FANCA: variants seen among roughly 807,000 people sequenced by gnomAD.
The protein encoded by FANCA is Fanconi anemia group A protein.
In FANCA, 236 loss-of-function variants were observed where a neutral mutation model predicts 194.3. The ratio of observed to expected loss-of-function variants is 1.21; its 90% CI spans 1.09 to 1.35. The LOEUF (loss-of-function observed/expected upper bound fraction) is 1.35. Among genes scored for constraint, FANCA ranks in the 40% most tolerant of loss-of-function variants. The probability of loss-of-function intolerance (pLI) is 0.00; values close to 1 mark genes in which losing one functional copy is unlikely to be tolerated. For missense variants in FANCA, 2,628 were observed against 1,813.9 expected (o/e 1.45, Z -8.15); for synonymous variants, 1,014 against 715.8 (o/e 1.42, Z -6.65).
chr16:89,742,131 C>A (rs1165212048), intron 37 of FANCA, among the ~76,000 whole-genome samples: 1 of 152,024 alleles, frequency 6.6e-6, no homozygotes, highest in African/African-American at 2.4e-5. Flanking sequence ...TGCGCACCAC[C>A]ACACCCGACT....
At chr16:89,811,834 G>A (rs868271860) in intron 3 of FANCA, among the ~76,000 whole-genome samples, 4 of 152,140 alleles carry the variant, frequency 2.6e-5, no homozygotes, top group Non-Finnish European at 2.9e-5. Context: ...AGGTTCAAGC[G>A]ATTCTCCTGC....
At position 89,803,993 on chromosome 16, in the gene FANCA, C is replaced by A. The variant is rs557632485; in HGVS notation, c.710-652G>T. ...TTGTCTTGCCTGCCAATCTCCAATA[C>A]CAGAGGGTCTAGAGGGACCCAGAAG... On this transcript the variant is annotated intron_variant, in intron 7 of 42. Transcript: ENST00000389301. Among the ~76,000 whole-genome samples the A allele has an allele frequency of 5.3e-5, 8 of 152,122 alleles. No individual in the cohort carries two copies. The East Asian group carries it at 1.5e-3, about 29-fold the overall frequency.
At chr16:89,780,455 T>G (rs1332587292) in intron 17 of FANCA, among the ~76,000 whole-genome samples, 4 of 151,832 alleles carry the variant, frequency 2.6e-5, no homozygotes, top group Admixed American at 2.0e-4. Context: ...ACATCTCATC[T>G]CTAAAAAAAT....
intron 22 of FANCA, among the ~76,000 whole-genome samples, chr16:89,772,981 C>T (rs2039375531): frequency 6.6e-6 from 1 of 152,134 alleles, no homozygotes; most frequent in South Asian, 2.1e-4. Flanking sequence ...AGCGGGAAAA[C>T]AGGCATCCTA....
chr16:89,812,550 G>A (rs1425581101), intron 3 of FANCA, among the ~76,000 whole-genome samples: 2 of 150,342 alleles, frequency 1.3e-5, no homozygotes, highest in Admixed American at 6.7e-5. Context: ...GGAGGCTGAG[G>A]CAGGAGAATC....
intron 29 of FANCA, among the ~76,000 whole-genome samples, chr16:89,761,290 G>A: frequency 6.6e-6 from 1 of 151,890 alleles, no homozygotes; most frequent in East Asian, 1.9e-4. Context: ...ATGGTGGCGG[G>A]CGCCTGTAGT....
chr16:89,779,499 T>G (rs539953050), intron 18 of FANCA, among the ~76,000 whole-genome samples: 3 of 151,192 alleles, frequency 2.0e-5, no homozygotes, highest in East Asian at 3.9e-4. Flanking sequence ...TCCCTCCCAG[T>G]GCAAGCTCCC....
intron 5 of FANCA, among the ~76,000 whole-genome samples, chr16:89,810,158 T>TA (rs996100844): frequency 6.7e-5 from 10 of 149,466 alleles, no homozygotes; most frequent in African/African-American, 2.0e-4. Flanking sequence ...CCGTCTCTGC[T>TA]AAAAAATACA....
At chr16:89,748,157 C>T (rs1015819665) in intron 33 of FANCA, among the ~76,000 whole-genome samples, 9 of 152,244 alleles carry the variant, frequency 5.9e-5, no homozygotes, top group African/African-American at 1.9e-4. Context: ...AGTGATCCCC[C>T]ACCTTTCCAG....
intron 3 of FANCA, among the ~76,000 whole-genome samples, chr16:89,813,777 G>A (rs940655630): frequency 1.3e-5 from 2 of 148,400 alleles, no homozygotes; most frequent in South Asian, 2.1e-4. Flanking sequence ...TGTCTCCATA[G>A]GAAAGTTTTT....
chr16:89,787,976 G>A (rs544988778), intron 14 of FANCA, among the ~76,000 whole-genome samples: 2 of 151,826 alleles, frequency 1.3e-5, no homozygotes, highest in South Asian at 4.2e-4. Context: ...CGGGTTCAAG[G>A]AATTCTCCTG....
At chr16:89,773,512 G>T in intron 21 of FANCA, 128 bp from the exon 22 acceptor site, 1 of 726,088 alleles carries the variant, frequency 1.4e-6, no homozygotes, top group Non-Finnish European at 2.4e-6. Flanking sequence ...CAGACGGAGG[G>T]ACTGGGAGTC....
At chr16:89,799,304 C>T (rs531127412) in intron 9 of FANCA, 72 bp from the exon 10 acceptor site, 257 of 1,571,478 alleles carry the variant, frequency 1.6e-4, no homozygotes, top group Non-Finnish European at 2.0e-4. Flanking sequence ...AATCCCCAGG[C>T]GCTTTCAGAC....
chr16:89,795,842 G>A (rs746287696), intron 11 of FANCA, 64 bp downstream of exon 11: 33 of 1,205,498 alleles, frequency 2.7e-5, no homozygotes, highest in Non-Finnish European at 3.8e-5. Flanking sequence ...GCGTTACCAA[G>A]GCAACAAGGC....
chr16:89,739,854 G>A (rs2062082586), intron 39 of FANCA, 140 bp downstream of exon 39: 3 of 1,524,106 alleles, frequency 2.0e-6, no homozygotes, highest in South Asian at 1.3e-5. Flanking sequence ...ACAAGTTTGT[G>A]CTTAATCTGT....
At chr16:89,813,584 C>T (rs556185197) in intron 3 of FANCA, among the ~76,000 whole-genome samples, 1 of 152,198 alleles carries the variant, frequency 6.6e-6, no homozygotes, top group South Asian at 2.1e-4. Context: ...AGGCACCCAC[C>T]ACCACACCCG....
chr16:89,782,842 G>T lies in FANCA; in HGVS notation c.1626+17C>A. ...GGCGTGACTGGCTGAGACCCTGCAG[G>T]GCTCAAGCAACATTACCTCAGTAAT... On this transcript the variant is annotated intron_variant, in intron 17 of 42. Transcript: ENST00000389301. 6.2e-7 allele frequency: 1 copy of T among 1,611,396 alleles called. No individual in the cohort carries two copies. The highest frequency in any genetic ancestry group is 8.5e-7 in the Non-Finnish European group (1 of 1,177,602).
At chr16:89,761,900 T>C (rs770505248) in intron 29 of FANCA, 49 bp downstream of exon 29, 7 of 1,447,304 alleles carry the variant, frequency 4.8e-6, no homozygotes, top group Admixed American at 3.3e-5. Flanking sequence ...GCTGGGATTA[T>C]AGGTGTGAGC....
intron 27 of FANCA, 148 bp from the exon 28 acceptor site, chr16:89,765,214 C>T (rs1297747681): frequency 4.4e-6 from 4 of 918,706 alleles, no homozygotes; most frequent in Non-Finnish European, 6.8e-6. Context: ...TGGGAGGGCG[C>T]AATACACGAC....
Sources: gnomAD v4.1 joint callset for allele counts (sites outside exome capture counted in the v4.1 genomes callset) on GRCh38, gnomAD v4.1.1 for gene constraint, MANE v1.5 for transcripts, NCBI Gene and HGNC (gene_info 2026-07-23, HGNC 2026-07-21) for gene names.